The following RFC3 variants were observed in gnomAD, a reference collection of about 807,000 sequenced individuals.
RFC3 encodes the protein A1 38 kDa subunit.
In RFC3, 41 loss-of-function variants were observed where a neutral mutation model predicts 45.1. That is an observed-to-expected ratio of 0.91 (90% CI 0.71 to 1.18). The LOEUF (loss-of-function observed/expected upper bound fraction) is 1.18. Among genes scored for constraint, RFC3 ranks in the 50% most tolerant of loss-of-function variants. RFC3 has a pLI of 0.00. For synonymous variants in RFC3, 149 were observed against 144.0 expected, an observed-to-expected ratio of 1.03 and a Z score of -0.25; for missense variants, 423 against 428.1, an observed-to-expected ratio of 0.99 and a Z score of 0.10.
chr13:33,942,346 T>A (rs1393885185), intron 8 of RFC3, among the ~76,000 whole-genome samples: 1 of 152,134 alleles, frequency 6.6e-6, no homozygotes, highest in Non-Finnish European at 1.5e-5. Context: ...TACGAGTACA[T>A]AATGGTTGTC....
intron 8 of RFC3, among the ~76,000 whole-genome samples, chr13:33,892,307 G>T (rs978974287): frequency 6.6e-6 from 1 of 152,130 alleles, no homozygotes; most frequent in East Asian, 1.9e-4. Context: ...AGAGCTCCAG[G>T]AGCCAGAATA....
chr13:33,903,429 G>C (rs79311442), intron 8 of RFC3, among the ~76,000 whole-genome samples: 2 of 152,018 alleles, frequency 1.3e-5, no homozygotes, highest in African/African-American at 4.8e-5. Context: ...CTCGTGATAA[G>C]TTTTGAGTGT....
chr13:33,825,044 C>T (rs2082036592), intron 3 of RFC3, among the ~76,000 whole-genome samples: 1 of 152,062 alleles, frequency 6.6e-6, no homozygotes, highest in Non-Finnish European at 1.5e-5. Context: ...ACTGCTTTGA[C>T]CTGTTTTTCT....
chr13:33,974,367 C>G, the RFC3 span, among the ~76,000 whole-genome samples: 7 of 152,194 alleles, frequency 4.6e-5, no homozygotes, highest in Non-Finnish European at 8.8e-5. Flanking sequence ...TGCCCTGGCT[C>G]TCACAAGTAG....
At chr13:33,854,134 A>G (rs1415434563) in intron 8 of RFC3, among the ~76,000 whole-genome samples, 1 of 152,344 alleles carries the variant, frequency 6.6e-6, no homozygotes, top group African/African-American at 2.4e-5. Context: ...TGTCTGATGG[A>G]AGAATCTCTC....
chr13:33,950,766 TTC>T (rs142596118), intron 8 of RFC3, among the ~76,000 whole-genome samples: 4,027 of 150,896 alleles, frequency 0.027, 178 homozygotes, highest in African/African-American at 0.092. Context: ...TCTCTTCTCT[TTC>T]TCTCTCTCTC....
At chr13:33,875,060 G>A (rs1392940077) in intron 8 of RFC3, among the ~76,000 whole-genome samples, 1 of 152,216 alleles carries the variant, frequency 6.6e-6, no homozygotes, top group Non-Finnish European at 1.5e-5. Context: ...ACAAGATGGG[G>A]ATGTTACTCC....
At chr13:33,855,835 T>C (rs1364546832) in intron 8 of RFC3, among the ~76,000 whole-genome samples, 1 of 152,172 alleles carries the variant, frequency 6.6e-6, no homozygotes, top group Non-Finnish European at 1.5e-5. Context: ...TTTTGTCTTG[T>C]AAATTTAAGT....
In RFC3 at chr13:33,836,616, T is replaced by G. The variant is rs185204886; in HGVS notation, c.*321T>G. ...TAATCTCTCACCTGCTAAAGGAGATTTACACATTAGAAAGCAAAGATTATT... is the reference window on the plus strand; with the variant it reads ...TAATCTCTCACCTGCTAAAGGAGATGTACACATTAGAAAGCAAAGATTATT... On this transcript the variant is annotated 3_prime_UTR_variant, in exon 9 of 9. Transcript: ENST00000380071. 4.4e-5 allele frequency: 45 copies of G among 1,018,788 alleles called. No homozygotes were observed. In the African/African-American group the frequency reaches 7.0e-4, roughly 16 times the overall value. 63.1% of individuals were successfully genotyped at this position (1,018,788 alleles called of 1,614,324 possible).
intron 8 of RFC3, among the ~76,000 whole-genome samples, chr13:33,933,591 A>C (rs752419590): frequency 8.5e-5 from 13 of 152,172 alleles, no homozygotes; most frequent in Non-Finnish European, 1.9e-4. Flanking sequence ...ATAAATCGAG[A>C]TGATAAAATT....
chr13:33,924,146 A>G (rs1300898748), intron 8 of RFC3, among the ~76,000 whole-genome samples: 4 of 152,154 alleles, frequency 2.6e-5, no homozygotes, highest in Non-Finnish European at 4.4e-5. Context: ...TAAAAGATGC[A>G]ATCAAGTCCT....
chr13:33,821,894 T>G (rs370073609), intron 2 of RFC3, among the ~76,000 whole-genome samples: 3 of 152,244 alleles, frequency 2.0e-5, no homozygotes, highest in African/African-American at 7.2e-5. Context: ...TAATAGTACT[T>G]ATTTTGTTTT....
chr13:33,956,936 T>G (rs990422631), intron 8 of RFC3, among the ~76,000 whole-genome samples: 4 of 152,198 alleles, frequency 2.6e-5, no homozygotes. Context: ...CTAATATCTG[T>G]CTGTATATAT....
At chr13:33,842,496 G>T (rs746794414), downstream of RFC3, among the ~76,000 whole-genome samples, 6 of 152,134 alleles carry the variant, frequency 3.9e-5, no homozygotes, top group Non-Finnish European at 7.4e-5. Flanking sequence ...TAACGTAGGA[G>T]TGCTTTTCTG....
chr13:33,842,627 A>G (rs1285735323), intron 8 of RFC3, among the ~76,000 whole-genome samples: 1 of 151,836 alleles, frequency 6.6e-6, no homozygotes, highest in Non-Finnish European at 1.5e-5. Flanking sequence ...TTTCCTTCCT[A>G]CCCTGCAGCC....
downstream of RFC3, among the ~76,000 whole-genome samples, chr13:33,837,682 G>A (rs2082168137): frequency 6.6e-6 from 1 of 151,900 alleles, no homozygotes; most frequent in Non-Finnish European, 1.5e-5. Context: ...TATAGTATTG[G>A]TTTTATTGAC....
intron 8 of RFC3, among the ~76,000 whole-genome samples, chr13:33,854,196 T>A (rs2082294823): frequency 6.6e-6 from 1 of 152,184 alleles, no homozygotes; most frequent in East Asian, 1.9e-4. Flanking sequence ...ATCTGAACGG[T>A]GAACAGAGAG....
chr13:33,827,570 C>A (rs908851683), intron 4 of RFC3, among the ~76,000 whole-genome samples: 1 of 151,960 alleles, frequency 6.6e-6, no homozygotes, highest in African/African-American at 2.4e-5. Flanking sequence ...AATTACAAAC[C>A]TTTAAAAGTG....
intron 7 of RFC3, among the ~76,000 whole-genome samples, chr13:33,833,282 A>G: frequency 6.6e-6 from 1 of 152,150 alleles, no homozygotes; most frequent in African/African-American, 2.4e-5. Context: ...ATAGCAGCGA[A>G]TATTTCATGA....
Sources: gnomAD v4.1 joint callset for allele counts (sites outside exome capture counted in the v4.1 genomes callset) on GRCh38, gnomAD v4.1.1 for gene constraint, MANE v1.5 for transcripts, NCBI Gene and HGNC (gene_info 2026-07-23, HGNC 2026-07-21) for gene names.